The following KIRREL1 variants were observed in gnomAD, a reference collection of about 807,000 sequenced individuals.
The protein encoded by KIRREL1 is kin of IRRE-like protein 1.
In KIRREL1, 25 loss-of-function variants were observed where a neutral mutation model predicts 83.3. The ratio of observed to expected loss-of-function variants is 0.30; its 90% CI spans 0.22 to 0.42. The LOEUF (loss-of-function observed/expected upper bound fraction) is 0.42. Ranked by LOEUF, KIRREL1 falls within the 10% of genes least tolerant of loss-of-function variation. The probability of loss-of-function intolerance (pLI) is 1.00; values close to 1 mark genes in which losing one functional copy is unlikely to be tolerated. For synonymous variants in KIRREL1, 388 were observed against 410.4 expected (o/e 0.95, Z 0.66); for missense variants, 812 against 1,032.3 (o/e 0.79, Z 2.92).
chr1:158,037,171 C>T (rs1211607517), intron 1 of KIRREL1, among the ~76,000 whole-genome samples: 1 of 152,214 alleles, frequency 6.6e-6, no homozygotes, highest in African/African-American at 2.4e-5. Context: ...GGACCTTGGC[C>T]TAGTTGCTTC....
rs980302030 is a variant in KIRREL1, at chr1:158,047,358, C to T, written c.53-28755C>T. 2.6e-5 allele frequency among the ~76,000 whole-genome samples: 4 copies of T among 152,094 alleles called. 1 individual carries two copies. The highest frequency in any genetic ancestry group is 7.2e-5 in the African/African-American group (3 of 41,406). Reference sequence around the variant, plus strand: ...TGCCATGTGGAAAGTGCTGACAAGGCCCCTGTGTCTGACTGGGGTGGGGAA... The same window carrying T: ...TGCCATGTGGAAAGTGCTGACAAGGTCCCTGTGTCTGACTGGGGTGGGGAA... On this transcript the variant is annotated intron_variant, in intron 1 of 14. Coordinates refer to ENST00000359209, the MANE Select transcript of KIRREL1 (RefSeq NM_018240.7).
chr1:158,093,849 T>G (rs1420867728), intron 13 of KIRREL1, 87 bp downstream of exon 13: 1 of 1,446,568 alleles, frequency 6.9e-7, no homozygotes, highest in South Asian at 1.2e-5. Context: ...CCGCGGTCAT[T>G]CTCTCCTTCC....
chr1:158,049,995 A>G (rs964857200), intron 1 of KIRREL1, among the ~76,000 whole-genome samples: 7 of 152,104 alleles, frequency 4.6e-5, no homozygotes, highest in African/African-American at 1.2e-4. Context: ...AGTGATGGTG[A>G]GCAATTCCTG....
rs565756173 is a variant in KIRREL1, at chr1:158,077,036, T to G, written c.202+774T>G. ...GTTGCAGGCCGGTCTGCCTTAGAAGTGCATTTGTGAGTTTTGAGCCAAATG... is the reference window on the plus strand; with the variant it reads ...GTTGCAGGCCGGTCTGCCTTAGAAGGGCATTTGTGAGTTTTGAGCCAAATG... On this transcript the variant is annotated intron_variant, in intron 2 of 14. Coordinates refer to ENST00000359209, the MANE Select transcript of KIRREL1 (RefSeq NM_018240.7). Among the ~76,000 whole-genome samples, 3 of 152,288 alleles carry G rather than the reference T, an allele frequency of 2.0e-5. No homozygotes were observed. The East Asian group carries it at 5.8e-4, about 29-fold the overall frequency.
intron 1 of KIRREL1, among the ~76,000 whole-genome samples, chr1:158,068,104 G>T (rs765983747): frequency 1.3e-5 from 2 of 152,164 alleles, no homozygotes; most frequent in Non-Finnish European, 2.9e-5. Flanking sequence ...GTGGGAAGGC[G>T]GTAAAGGTGG....
At chr1:158,041,771 G>C (rs1364485114) in intron 1 of KIRREL1, among the ~76,000 whole-genome samples, 1 of 152,188 alleles carries the variant, frequency 6.6e-6, no homozygotes. Context: ...CCTCTGGTTT[G>C]TGCGGTGGGA....
chr1:158,000,220 C>T (rs1659323609), intron 1 of KIRREL1, among the ~76,000 whole-genome samples: 1 of 152,212 alleles, frequency 6.6e-6, no homozygotes. Context: ...TACATGCACC[C>T]ACTTCTTATC....
At chr1:158,018,673 TAA>T (rs1347427529) in intron 1 of KIRREL1, among the ~76,000 whole-genome samples, 1 of 151,790 alleles carries the variant, frequency 6.6e-6, no homozygotes, top group Non-Finnish European at 1.5e-5. Context: ...GAAGCAAACA[TAA>T]AGCTGGACAC....
At chr1:158,069,515 C>T in intron 1 of KIRREL1, among the ~76,000 whole-genome samples, 1 of 152,114 alleles carries the variant, frequency 6.6e-6, no homozygotes, top group Non-Finnish European at 1.5e-5. Flanking sequence ...GAGGATGGAG[C>T]AGGGAGCTGG....
intron 1 of KIRREL1, among the ~76,000 whole-genome samples, chr1:158,043,608 G>A (rs950442973): frequency 1.3e-5 from 2 of 152,212 alleles, no homozygotes; most frequent in Admixed American, 6.5e-5. Context: ...CCACCCAGTG[G>A]CCATATCTCC....
intron 1 of KIRREL1, among the ~76,000 whole-genome samples, chr1:158,020,844 G>C (rs1659984769): frequency 6.6e-6 from 1 of 152,128 alleles, no homozygotes; most frequent in Non-Finnish European, 1.5e-5. Flanking sequence ...AAGCCAAAAA[G>C]AAATAACTTT....
At chr1:158,001,318 G>T (rs1406054495) in intron 1 of KIRREL1, among the ~76,000 whole-genome samples, 1 of 152,174 alleles carries the variant, frequency 6.6e-6, no homozygotes, top group African/African-American at 2.4e-5. Context: ...TGATTTCAGT[G>T]CAAATTACTT....
chr1:158,024,785 T>G (rs1440327574), intron 1 of KIRREL1, among the ~76,000 whole-genome samples: 1 of 152,080 alleles, frequency 6.6e-6, no homozygotes, highest in Non-Finnish European at 1.5e-5. Context: ...TTCCCCAGGG[T>G]CCACCCTGAC....
At chr1:158,036,266 T>C (rs1488395477) in intron 1 of KIRREL1, among the ~76,000 whole-genome samples, 3 of 152,228 alleles carry the variant, frequency 2.0e-5, no homozygotes, top group African/African-American at 4.8e-5. Flanking sequence ...TCCAGACTTA[T>C]TTTCTGGTTG....
At chr1:158,081,532 C>A (rs1661855892) in intron 3 of KIRREL1, among the ~76,000 whole-genome samples, 1 of 152,074 alleles carries the variant, frequency 6.6e-6, no homozygotes, top group Non-Finnish European at 1.5e-5. Flanking sequence ...GAGACTGAGG[C>A]TTTTTTGACC....
rs1662383285 is a variant in KIRREL1 at position 158,097,433 on chromosome 1, G to C, written c.*2313G>C. ...CTGAAATGATGGAGAGAGGGCCTAA[G>C]GTTACTAGGTAATTGAGCTGATGGT... On this transcript the variant is annotated 3_prime_UTR_variant, in exon 15 of 15. Transcript: ENST00000359209. The C allele has an allele frequency of 4.0e-6, 1 of 249,376 alleles. No individual in the cohort carries two copies. The highest frequency in any genetic ancestry group is 7.8e-6 in the Non-Finnish European group (1 of 128,476). 15.4% of individuals were successfully genotyped at this position (249,376 alleles called of 1,614,324 possible).
intron 1 of KIRREL1, among the ~76,000 whole-genome samples, chr1:158,015,574 C>G (rs1230428999): frequency 1.3e-5 from 2 of 152,194 alleles, no homozygotes; most frequent in East Asian, 3.9e-4. Flanking sequence ...GGAATGTTGT[C>G]CAGGACATGG....
chr1:158,005,219 A>G (rs996685862), intron 1 of KIRREL1, among the ~76,000 whole-genome samples: 2 of 152,208 alleles, frequency 1.3e-5, no homozygotes, highest in African/African-American at 2.4e-5. Context: ...AATGAGAATC[A>G]AAAGAAAATA....
intron 11 of KIRREL1, 139 bp from the exon 12 acceptor site, chr1:158,093,200 C>T (rs1558019765): frequency 7.0e-6 from 5 of 715,100 alleles, no homozygotes; most frequent in South Asian, 1.7e-5. Flanking sequence ...TAACACTGTC[C>T]CCAGGCTCAG....
Sources: gnomAD v4.1 joint callset for allele counts (sites outside exome capture counted in the v4.1 genomes callset) on GRCh38, gnomAD v4.1.1 for gene constraint, MANE v1.5 for transcripts, NCBI Gene and HGNC (gene_info 2026-07-23, HGNC 2026-07-21) for gene names.